COX17: variants seen among roughly 807,000 people sequenced by gnomAD.
COX17 encodes the protein cytochrome c oxidase copper chaperone COX17.
A neutral mutation model predicts 6.3 loss-of-function variants in COX17; 1 was observed. The observed-to-expected ratio is 0.16, with a 90% CI of 0.06 to 0.75. The LOEUF (loss-of-function observed/expected upper bound fraction) is 0.75, where lower values mean the gene tolerates loss of function less well. Among genes scored for constraint, COX17 ranks in the 30% least tolerant of loss-of-function variants. The pLI is 0.77. For synonymous variants in COX17, 26 were observed against 30.5 expected (o/e 0.85, Z 0.49); for missense variants, 73 against 81.2 (o/e 0.90, Z 0.39).
chr3:119,672,056 C>G (rs1312386298), intron 2 of COX17, among the ~76,000 whole-genome samples: 1 of 152,236 alleles, frequency 6.6e-6, no homozygotes. Context: ...CAGACCTCAA[C>G]TGAATGTCTG....
intron 3 of COX17, among the ~76,000 whole-genome samples, chr3:119,664,062 T>G (rs2107829409): frequency 1.3e-5 from 2 of 152,332 alleles, no homozygotes; most frequent in Middle Eastern, 6.8e-3. Flanking sequence ...TAAAGATGAA[T>G]AAGACAATTA....
At chr3:119,666,116 T>C (rs959964414), downstream of COX17, among the ~76,000 whole-genome samples, 2 of 146,910 alleles carry the variant, frequency 1.4e-5, no homozygotes, top group Non-Finnish European at 3.1e-5. Flanking sequence ...AACCTGCACA[T>C]GGATCTAAGC....
At chr3:119,675,406 T>C (rs2053089892) in intron 1 of COX17, 173 bp from the exon 2 acceptor site, 1 of 574,062 alleles carries the variant, frequency 1.7e-6, no homozygotes, top group Non-Finnish European at 3.1e-6. Flanking sequence ...GATATGCCCA[T>C]GCCTATGAAG....
At chr3:119,664,754 A>G (rs2052978528), downstream of COX17, among the ~76,000 whole-genome samples, 1 of 152,186 alleles carries the variant, frequency 6.6e-6, no homozygotes, top group Non-Finnish European at 1.5e-5. Context: ...ATGGCCTTTG[A>G]ACTAACAAAA....
intron 1 of COX17, chr3:119,675,651 C>T (rs1323901897): frequency 6.4e-6 from 1 of 155,910 alleles, no homozygotes; most frequent in African/African-American, 2.4e-5. Context: ...AATAAATCTA[C>T]TTCTAATTAC....
At chr3:119,667,476 A>G (rs1302333006), downstream of COX17, among the ~76,000 whole-genome samples, 1 of 152,176 alleles carries the variant, frequency 6.6e-6, no homozygotes, top group East Asian at 1.9e-4. Context: ...GAGATTAATC[A>G]GTGCTCTCAG....
chr3:119,675,034 T>C (rs1247967874), intron 2 of COX17, 111 bp downstream of exon 2: 6 of 733,270 alleles, frequency 8.2e-6, no homozygotes, highest in Non-Finnish European at 1.2e-5. Context: ...TTTTTTCAAA[T>C]TGATACTTAA....
chr3:119,677,064 GGGAA>G, intron 1 of COX17, 136 bp downstream of exon 1: 1 of 691,432 alleles, frequency 1.4e-6, no homozygotes, highest in Non-Finnish European at 2.6e-6. Context: ...GGGGGAAGGG[GGGAA>G]GGAAGAGGGC....
downstream of COX17, chr3:119,669,248 G>A (rs981946186): frequency 6.3e-4 from 46 of 73,524 alleles, no homozygotes; most frequent in Admixed American, 8.6e-4. Context: ...CTTTAAGAAA[G>A]TTAAAAAAAA....
chr3:119,677,231 G>A lies in COX17; in HGVS notation c.80C>T (p.Pro27Leu), dbSNP rs1251689321. ...KKPLKPCCAC[P>L]ETKKARDACI... ...CGCATCGCGCGCCTTCTTGGTCTCC[G>A]GGCAAGCGCAGCAGGGCTTCAGCGG... is the stretch of plus-strand genomic sequence containing the variant. Residue 27 changes from proline to leucine, a missense_variant, in exon 1 of 3, where the codon CCG (proline) becomes CTG (leucine). Physicochemically the swap from Pro to Leu is moderately conservative, Grantham distance 98. Coordinates refer to ENST00000261070, the MANE Select transcript of COX17 (RefSeq NM_005694.2). 1.9e-6 allele frequency: 3 copies of A among 1,611,718 alleles called. No homozygotes were observed. Among genetic ancestry groups the A allele is most frequent in the Non-Finnish European group, 1.7e-6 (2 of 1,179,820 alleles).
chr3:119,671,691 G>A (rs891100454), intron 2 of COX17, among the ~76,000 whole-genome samples: 3 of 152,168 alleles, frequency 2.0e-5, no homozygotes, highest in African/African-American at 7.2e-5. Context: ...TCAAGATTAT[G>A]TGCAATCCTA....
downstream of COX17, among the ~76,000 whole-genome samples, chr3:119,667,728 CAGAG>C (rs61480242): frequency 0.088 from 5,909 of 67,440 alleles, 149 homozygotes; most frequent in Middle Eastern, 0.15. Context: ...CACACACACA[CAGAG>C]AGAGAGAGAC....
At chr3:119,664,513 A>G (rs1418454575) in intron 3 of COX17, among the ~76,000 whole-genome samples, 1 of 152,224 alleles carries the variant, frequency 6.6e-6, no homozygotes, top group Non-Finnish European at 1.5e-5. Flanking sequence ...AATACGTGGC[A>G]TATTCTGGTA....
At chr3:119,664,910 CTAGTA>C (rs1464682734), downstream of COX17, among the ~76,000 whole-genome samples, 2 of 152,156 alleles carry the variant, frequency 1.3e-5, no homozygotes, top group Non-Finnish European at 2.9e-5. Context: ...TAACACTTTC[CTAGTA>C]TAGATACTAA....
chr3:119,673,134 G>A (rs2053061868), intron 2 of COX17, among the ~76,000 whole-genome samples: 1 of 152,142 alleles, frequency 6.6e-6, no homozygotes, highest in Non-Finnish European at 1.5e-5. Flanking sequence ...TTAGGGTAGG[G>A]GCAAAAAGCA....
chr3:119,664,087 T>G (rs2107829420), intron 3 of COX17, among the ~76,000 whole-genome samples: 1 of 152,334 alleles, frequency 6.6e-6, no homozygotes, highest in South Asian at 2.1e-4. Flanking sequence ...TTCAAGAAAC[T>G]TTCAGTCTAT....
At chr3:119,669,836 G>A (rs1020589035) in intron 2 of COX17, among the ~76,000 whole-genome samples, 171 bp from the exon 3 acceptor site, 5 of 151,856 alleles carry the variant, frequency 3.3e-5, no homozygotes, top group Non-Finnish European at 7.4e-5. Flanking sequence ...AAAATTCTAG[G>A]TTTGCCTAAC....
intron 2 of COX17, among the ~76,000 whole-genome samples, chr3:119,672,311 A>C (rs2053052384): frequency 6.6e-6 from 1 of 152,256 alleles, no homozygotes; most frequent in African/African-American, 2.4e-5. Context: ...GTACACAAAC[A>C]TAATTCTCAC....
intron 2 of COX17, among the ~76,000 whole-genome samples, chr3:119,670,617 TTGAC>T (rs1283684363): frequency 6.6e-6 from 1 of 152,168 alleles, no homozygotes; most frequent in Non-Finnish European, 1.5e-5. Context: ...TGTAAAGTCT[TTGAC>T]TGGAGGGATA....
Sources: allele counts gnomAD v4.1 joint callset (sites outside exome capture counted in the v4.1 genomes callset), GRCh38; gene constraint gnomAD v4.1.1; transcripts MANE v1.5; gene names NCBI Gene and HGNC (gene_info 2026-07-23, HGNC 2026-07-21).